MPDZ: variants seen among roughly 807,000 people sequenced by gnomAD.
MPDZ encodes the protein multiple PDZ domain protein.
In MPDZ, 234 loss-of-function variants were observed where a neutral mutation model predicts 239.1. That is an observed-to-expected ratio of 0.98 (90% confidence interval 0.88 to 1.09). The LOEUF (loss-of-function observed/expected upper bound fraction) is 1.09. Ranked by LOEUF, MPDZ falls within the 50% of genes least tolerant of loss-of-function variation. The pLI, the probability that MPDZ is intolerant of heterozygous loss-of-function variation, is 0.00. For missense variants in MPDZ, 3,175 were observed against 2,510.0 expected (o/e 1.26, Z -5.66); for synonymous variants, 1,048 against 881.3 (o/e 1.19, Z -3.35).
At chr9:13,226,945 C>T (rs1960814990) in intron 3 of MPDZ, among the ~76,000 whole-genome samples, 1 of 152,066 alleles carries the variant, frequency 6.6e-6, no homozygotes, top group South Asian at 2.1e-4. Context: ...GATGAAATTA[C>T]GTAAAGTCAC....
intron 1 of MPDZ, among the ~76,000 whole-genome samples, chr9:13,269,015 TA>T (rs534111066): frequency 4.6e-5 from 7 of 151,872 alleles, no homozygotes; most frequent in Non-Finnish European, 1.0e-4. Flanking sequence ...GTTAGGTTGT[TA>T]AAAAAACCTC....
chr9:13,224,258 T>C, intron 4 of MPDZ, 116 bp downstream of exon 4: 4 of 997,146 alleles, frequency 4.0e-6, no homozygotes, highest in Non-Finnish European at 5.8e-6. Context: ...TGACTTTTTG[T>C]TCCAATGTTT....
At position 13,249,008 on chromosome 9, in the gene MPDZ, A is replaced by AAAAAAAAAAC. The variant is rs1279043046; in HGVS notation, c.17-1208_17-1207insGTTTTTTTTT. Among the ~76,000 whole-genome samples, 206 of 125,332 alleles carry AAAAAAAAAAC rather than the reference A, an allele frequency of 1.6e-3. 11 individuals carry two copies. The highest frequency in any genetic ancestry group is 2.9e-3 in the Non-Finnish European group (167 of 58,342). 82.2% of individuals were successfully genotyped at this position (125,332 alleles called of 152,430 possible). Reference sequence around the variant, plus strand: ...AAAAAAAAAAAAAAAAAAAAAAAAAAATTGGAATCATCACCAGAGATACTT... The same window carrying AAAAAAAAAAC: ...AAAAAAAAAAAAAAAAAAAAAAAAAAAAAAAAAAACATTGGAATCATCACCAGAGATACTT... On this transcript the variant is annotated intron_variant, in intron 2 of 46. Coordinates refer to ENST00000319217, the MANE Select transcript of MPDZ (RefSeq NM_001378778.1).
At chr9:13,123,995 A>C (rs1450540473) in intron 35 of MPDZ, among the ~76,000 whole-genome samples, 1 of 152,206 alleles carries the variant, frequency 6.6e-6, no homozygotes, top group African/African-American at 2.4e-5. Flanking sequence ...TTCACACATT[A>C]TTTTATCAGA....
At chr9:13,154,461 C>A (rs1026084056) in intron 24 of MPDZ, among the ~76,000 whole-genome samples, 6 of 152,120 alleles carry the variant, frequency 3.9e-5, no homozygotes, top group African/African-American at 1.4e-4. Context: ...GGGTTCCAGT[C>A]CTGCTCTTTT....
At chr9:13,145,284 C>T (rs1047429561) in intron 26 of MPDZ, among the ~76,000 whole-genome samples, 7 of 151,984 alleles carry the variant, frequency 4.6e-5, no homozygotes, top group Non-Finnish European at 8.8e-5. Context: ...CGAAGAAGCA[C>T]AGGGAAGACA....
chr9:13,119,778 A>T, intron 38 of MPDZ, 129 bp from the exon 39 acceptor site: 1 of 961,986 alleles, frequency 1.0e-6, no homozygotes, highest in Non-Finnish European at 1.6e-6. Flanking sequence ...TGTTATTTGG[A>T]GCAACACTGG....
Position 13,126,574 on chromosome 9 carries a change from A to C in MPDZ, c.4574T>G (p.Val1525Gly). 1 of 1,597,408 alleles carries C rather than the reference A, an allele frequency of 6.3e-7. No individual in the cohort carries two copies. The highest frequency in any genetic ancestry group is 8.5e-7 in the Non-Finnish European group (1 of 1,171,100). ...GVAATDGRLK[V>G]GDQILAVDDE... The stretch of plus-strand genomic sequence containing the variant: ...ATCTACAGCCAGTATCTGATCTCCG[A>C]CTTTGAGTCGTCCATCCTAAATGGA... Residue 1525 changes from valine (V) to glycine (G), a missense_variant, in exon 34 of 47, where the codon GTC becomes GGC. Physicochemically the swap from Val to Gly is moderately radical, Grantham distance 109. Transcript: ENST00000319217.
At chr9:13,169,039 T>C (rs993434626) in intron 21 of MPDZ, among the ~76,000 whole-genome samples, 3 of 152,184 alleles carry the variant, frequency 2.0e-5, no homozygotes, top group Admixed American at 1.3e-4. Flanking sequence ...ATGGCTAATA[T>C]GTGCCAAGTA....
At chr9:13,243,184 T>G (rs960657156) in intron 3 of MPDZ, among the ~76,000 whole-genome samples, 1 of 152,174 alleles carries the variant, frequency 6.6e-6, no homozygotes, top group Non-Finnish European at 1.5e-5. Flanking sequence ...CCCCTCTAGA[T>G]AGTGAGAACC....
At chr9:13,233,885 G>A (rs1963233424) in intron 3 of MPDZ, among the ~76,000 whole-genome samples, 1 of 152,144 alleles carries the variant, frequency 6.6e-6, no homozygotes, top group Non-Finnish European at 1.5e-5. Flanking sequence ...GTCTACCACT[G>A]TGATGTGTGG....
intron 10 of MPDZ, among the ~76,000 whole-genome samples, chr9:13,207,778 G>T (rs1957164020): frequency 6.6e-6 from 1 of 152,140 alleles, no homozygotes; most frequent in South Asian, 2.1e-4. Flanking sequence ...ATCAAAACAT[G>T]GTGCTGTCCA....
intron 26 of MPDZ, among the ~76,000 whole-genome samples, chr9:13,146,313 A>G (rs922093526): frequency 1.3e-5 from 2 of 152,036 alleles, no homozygotes; most frequent in Non-Finnish European, 2.9e-5. Context: ...ATGGCATAGA[A>G]TATTGATAAG....
intron 10 of MPDZ, 126 bp from the exon 11 acceptor site, chr9:13,206,225 CAG>C: frequency 1.1e-6 from 1 of 886,710 alleles, no homozygotes; most frequent in South Asian, 2.0e-5. Context: ...TTCACCTTAT[CAG>C]GGAATTGACA....
chr9:13,223,436 T>C (rs1959446737), intron 5 of MPDZ, 135 bp downstream of exon 5: 1 of 997,086 alleles, frequency 1.0e-6, no homozygotes, highest in Non-Finnish European at 1.4e-6. Flanking sequence ...GTTAATGACT[T>C]CTAAAAACTG....
At position 13,118,384 on chromosome 9, in the gene MPDZ, C is replaced by T. The variant is rs370320602; in HGVS notation, c.5379+1118G>A. 2.3e-4 allele frequency among the ~76,000 whole-genome samples: 35 copies of T among 152,290 alleles called. 1 individual carries two copies. In the East Asian group the frequency reaches 4.2e-3, roughly 18 times the overall value. ...TAATAACCAAATTTATAAACACATT[C>T]ATATGCCAGATCTTATATAAACCTG... On this transcript the variant is annotated intron_variant, in intron 39 of 46. Coordinates refer to ENST00000319217, the MANE Select transcript of MPDZ (RefSeq NM_001378778.1).
chr9:13,243,026 C>T lies in MPDZ; in HGVS notation c.183+4609G>A, dbSNP rs560699743. On this transcript the variant is annotated intron_variant, in intron 3 of 46. Transcript: ENST00000319217. ...ATCCCTGTAAACATTGCTCTCTCTA[C>T]CTGAAATCATTTCCCCCACCTCTGC... is the stretch of plus-strand genomic sequence containing the variant. Among the ~76,000 whole-genome samples the T allele has an allele frequency of 3.3e-5, 5 of 152,132 alleles. 1 individual carries two copies. The highest frequency in any genetic ancestry group is 3.3e-4 in the Admixed American group (5 of 15,260).
chr9:13,140,234 A>T lies in MPDZ; in HGVS notation c.3841-85T>A, dbSNP rs962393243. On this transcript the variant is annotated intron_variant, in intron 27 of 46. Coordinates refer to ENST00000319217, the MANE Select transcript of MPDZ (RefSeq NM_001378778.1). ...GAAGAAATAAGAGTATACTGTCAAA[A>T]ACAAAGACTGGCTTTAAAATATCTA... 2.2e-6 allele frequency: 3 copies of T among 1,348,328 alleles called. No homozygotes were observed. The African/African-American group carries it at 4.4e-5, about 20-fold the overall frequency. The allele number at this position is 1,348,328 out of a possible 1,614,324, so 83.5% of individuals were successfully genotyped here. A position where few individuals can be genotyped will look rare whatever the true frequency, so the allele number is the denominator to read the frequency against.
At position 13,219,627 on chromosome 9, in the gene MPDZ, C is replaced by G; in HGVS notation, c.1018G>C (p.Glu340Gln). The change falls in exon 8 of 47, where the codon GAA (glutamate) becomes CAA (glutamine). Residue 340 changes from glutamate (E) to glutamine (Q), a missense_variant. Coordinates refer to ENST00000319217, the MANE Select transcript of MPDZ (RefSeq NM_001378778.1). Reference sequence around the variant, plus strand: ...CCCAAAGCAGTGGGTGCTGTACGTTCTTCTATGGCACCTCTTGCAATCATC... The same window carrying G: ...CCCAAAGCAGTGGGTGCTGTACGTTGTTCTATGGCACCTCTTGCAATCATC... ...KLMIARGAIE[E>Q]RTAPTALGIT... 6.2e-7 allele frequency: 1 copy of G among 1,612,522 alleles called. No individual in the cohort carries two copies. Among genetic ancestry groups the G allele is most frequent in the Non-Finnish European group, 8.5e-7 (1 of 1,179,156 alleles).
Sources: gnomAD v4.1 joint callset for allele counts (sites outside exome capture counted in the v4.1 genomes callset) on GRCh38, gnomAD v4.1.1 for gene constraint, MANE v1.5 for transcripts, NCBI Gene and HGNC (gene_info 2026-07-23, HGNC 2026-07-21) for gene names.